The following PVALB variants were observed in gnomAD, a reference collection of about 807,000 sequenced individuals.
PVALB encodes the protein parvalbumin alpha.
In PVALB, 11 loss-of-function variants were observed where a neutral mutation model predicts 10.9. The observed-to-expected ratio is 1.01, with a 90% CI of 0.63 to 1.67. PVALB has a LOEUF of 1.67. Ranked by LOEUF, PVALB falls within the 40% of genes most tolerant of loss-of-function variation. The pLI is 0.00. For missense variants in PVALB, 131 were observed against 136.2 expected, an observed-to-expected ratio of 0.96 and a Z score of 0.19; for synonymous variants, 57 against 50.7, an observed-to-expected ratio of 1.12 and a Z score of -0.53.
chr22:36,814,110 A>C (rs557476084), intron 2 of PVALB, among the ~76,000 whole-genome samples: 1 of 152,156 alleles, frequency 6.6e-6, no homozygotes, highest in Non-Finnish European at 1.5e-5. Flanking sequence ...ACTGGAAAAA[A>C]TAAGGAGGTC....
chr22:36,802,461 C>T (rs1373683098), intron 3 of PVALB, among the ~76,000 whole-genome samples: 8 of 151,746 alleles, frequency 5.3e-5, no homozygotes, highest in African/African-American at 1.9e-4. Flanking sequence ...ATTAGCTGGA[C>T]GTGGTGGCGC....
At chr22:36,814,474 G>A (rs939448616) in intron 2 of PVALB, among the ~76,000 whole-genome samples, 2 of 152,114 alleles carry the variant, frequency 1.3e-5, no homozygotes, top group South Asian at 4.2e-4. Flanking sequence ...AAAACTCAAG[G>A]CTTTCTTGGC....
chr22:36,800,966 G>A, intron 3 of PVALB, 48 bp from the exon 4 acceptor site: 1 of 1,572,538 alleles, frequency 6.4e-7, no homozygotes, highest in Non-Finnish European at 8.7e-7. Context: ...GGGGATGCAA[G>A]AGAGACTGTC....
At chr22:36,817,134 G>A, upstream of PVALB, 1 of 820,500 alleles carries the variant, frequency 1.2e-6, no homozygotes, top group Non-Finnish European at 1.8e-6. Flanking sequence ...CTGGCATGGC[G>A]CCAGGGGCCC....
intron 3 of PVALB, among the ~76,000 whole-genome samples, chr22:36,811,254 G>A (rs1020963479): frequency 6.6e-4 from 99 of 150,202 alleles, no homozygotes; most frequent in African/African-American, 2.2e-3. Context: ...CTCCAGCCTG[G>A]GTGACAGAGA....
Position 36,816,664 on chromosome 22 carries a change from C to G in PVALB, c.61+281G>C, listed in dbSNP as rs142756709. ...TCCGACCCTGGTCTTCGCCCTTGGT[C>G]CCGGACCCTGAGTCCTCCCAGCCAC... On this transcript the variant is annotated intron_variant, in intron 1 of 3. Coordinates refer to ENST00000417718, the MANE Select transcript of PVALB (RefSeq NM_001315532.2). Among the ~76,000 whole-genome samples the G allele has an allele frequency of 2.4e-3, 365 of 152,348 alleles. 1 individual carries two copies. The highest frequency in any genetic ancestry group is 8.4e-3 in the African/African-American group (349 of 41,588).
upstream of PVALB, chr22:36,817,149 T>A (rs900361515): frequency 5.9e-6 from 4 of 680,528 alleles, no homozygotes; most frequent in South Asian, 2.5e-5. Flanking sequence ...GGGCCCGGAC[T>A]CTGAGCGCAG....
intron 1 of PVALB, 97 bp downstream of exon 1, chr22:36,816,848 C>A: frequency 3.6e-6 from 4 of 1,115,916 alleles, no homozygotes; most frequent in Non-Finnish European, 5.0e-6. Flanking sequence ...GGCAGAAGCG[C>A]GCTGGGGAGG....
intron 3 of PVALB, chr22:36,813,444 A>G: frequency 1.8e-6 from 1 of 543,298 alleles, no homozygotes; most frequent in South Asian, 2.9e-5. Context: ...AGGTTTTCAA[A>G]TTAGGAAAAT....
chr22:36,807,842 G>A (rs996097231), intron 3 of PVALB, among the ~76,000 whole-genome samples: 1 of 152,212 alleles, frequency 6.6e-6, no homozygotes, highest in Non-Finnish European at 1.5e-5. Context: ...GCTACTTAAG[G>A]ATAAAAGGGA....
chr22:36,811,287 ATAAATAAAT>A (rs1939042493), intron 3 of PVALB, among the ~76,000 whole-genome samples: 1 of 92,004 alleles, frequency 1.1e-5, no homozygotes, highest in Non-Finnish European at 2.9e-5. Flanking sequence ...AAATAAATAA[ATAAATAAAT>A]AAATAAATAA....
intron 3 of PVALB, among the ~76,000 whole-genome samples, chr22:36,803,673 GTGGATGGATGGA>G (rs535685267): frequency 0.19 from 22,548 of 119,746 alleles, 2,424 homozygotes; most frequent in African/African-American, 0.28. Context: ...GGGTGGGTGG[GTGGATGGATGGA>G]TGGATGGATG....
At chr22:36,815,279 G>GT (rs1267069948) in intron 1 of PVALB, 44 bp from the exon 2 acceptor site, 1 of 1,611,856 alleles carries the variant, frequency 6.2e-7, no homozygotes, top group African/African-American at 1.3e-5. Flanking sequence ...AGAAAGGCTG[G>GT]TAGGGAAGCC....
rs1939084582 is a variant in PVALB at position 36,813,722 on chromosome 22, T to C, written c.228A>G (p.Arg76=). 1.2e-6 allele frequency: 2 copies of C among 1,613,928 alleles called. No individual in the cohort carries two copies. The highest frequency in any genetic ancestry group is 2.7e-5 in the African/African-American group (2 of 74,904). Reference sequence around the variant, plus strand: ...TCTTGGTTTCTTTAGCAGACAGGTCTCTGGCATCTGGGGAGAAGCCTTTTA... The same window carrying C: ...TCTTGGTTTCTTTAGCAGACAGGTCCCTGGCATCTGGGGAGAAGCCTTTTA... ...FILKGFSPDA[R]DLSAKETKML... is the part of the protein sequence containing the mutation. The change falls in exon 3 of 4, where the codon AGA becomes AGG. Residue 76 remains arginine (R), a synonymous_variant. Transcript: ENST00000417718.
intron 1 of PVALB, 87 bp downstream of exon 1, chr22:36,816,858 G>T: frequency 8.2e-7 from 1 of 1,214,788 alleles, no homozygotes; most frequent in Non-Finnish European, 1.1e-6. Context: ...CGCTGGGGAG[G>T]ATCCGCCGGC....
intron 3 of PVALB, among the ~76,000 whole-genome samples, chr22:36,804,234 C>T (rs1180449539): frequency 3.9e-5 from 6 of 152,172 alleles, no homozygotes; most frequent in South Asian, 2.1e-4. Context: ...TCACACTAGA[C>T]GGGATTTGGT....
Position 36,816,874 on chromosome 22 carries a change from G to C in PVALB, c.61+71C>G. The C allele has an allele frequency of 2.2e-6, 3 of 1,342,222 alleles. No individual in the cohort carries two copies. In the South Asian group the frequency reaches 3.9e-5, roughly 17 times the overall value. 83.1% of individuals were successfully genotyped at this position (1,342,222 alleles called of 1,614,324 possible). ...GCTGGGGAGGATCCGCCGGCTGCGG[G>C]GCCGGCGGAGTGCAGGGGCGCGGGC... On this transcript the variant is annotated intron_variant, in intron 1 of 3. Transcript: ENST00000417718.
At chr22:36,803,190 A>G (rs1326205773) in intron 3 of PVALB, among the ~76,000 whole-genome samples, 2 of 152,200 alleles carry the variant, frequency 1.3e-5, no homozygotes, top group Non-Finnish European at 2.9e-5. Context: ...CTTGACCATG[A>G]CATGATTCAA....
upstream of PVALB, among the ~76,000 whole-genome samples, chr22:36,819,169 C>G (rs1939199262): frequency 1.3e-5 from 2 of 152,188 alleles, no homozygotes; most frequent in Admixed American, 1.3e-4. Context: ...CTCCAGCCCT[C>G]TCGTTCTAAG....
Sources: gnomAD v4.1 joint callset for allele counts (sites outside exome capture counted in the v4.1 genomes callset) on GRCh38, gnomAD v4.1.1 for gene constraint, MANE v1.5 for transcripts, NCBI Gene and HGNC (gene_info 2026-07-23, HGNC 2026-07-21) for gene names.